The following GALNT16 variants were observed in gnomAD, a reference collection of about 807,000 sequenced individuals.
GALNT16 encodes the protein UDP-GalNAc:polypeptide N-acetylgalactosaminyltransferase-like protein 1.
In GALNT16, 40 loss-of-function variants were observed where a neutral mutation model predicts 76.1. The observed-to-expected ratio is 0.53, with a 90% CI of 0.41 to 0.68. The LOEUF is 0.68. Ranked by LOEUF, GALNT16 falls within the 30% of genes least tolerant of loss-of-function variation. The pLI is 0.00. For synonymous variants in GALNT16, 276 were observed against 285.2 expected (o/e 0.97, Z 0.32); for missense variants, 621 against 731.9 (o/e 0.85, Z 1.75).
intron 1 of GALNT16, among the ~76,000 whole-genome samples, chr14:69,289,632 C>T (rs981748224): frequency 2.6e-5 from 4 of 152,052 alleles, no homozygotes; most frequent in Non-Finnish European, 5.9e-5. Context: ...CTGGATGCTC[C>T]ACCAGGAGTC....
intron 9 of GALNT16, among the ~76,000 whole-genome samples, chr14:69,337,647 G>A (rs2140186467): frequency 6.6e-6 from 1 of 152,322 alleles, no homozygotes; most frequent in African/African-American, 2.4e-5. Context: ...CAGACCTAGG[G>A]AAGCCCATTG....
chr14:69,329,666 G>A (rs928848317), intron 6 of GALNT16, among the ~76,000 whole-genome samples: 1 of 152,112 alleles, frequency 6.6e-6, no homozygotes, highest in Non-Finnish European at 1.5e-5. Flanking sequence ...TACAAGCATG[G>A]CACTGGCATC....
chr14:69,360,746 C>T (rs992614373), downstream of GALNT16, among the ~76,000 whole-genome samples: 3 of 152,218 alleles, frequency 2.0e-5, no homozygotes, highest in African/African-American at 7.2e-5. Flanking sequence ...CCTACTGAAT[C>T]AGAAACTCTG....
chr14:69,362,596 CTT>C, the GALNT16 span, among the ~76,000 whole-genome samples: 1 of 152,232 alleles, frequency 6.6e-6, no homozygotes, highest in Non-Finnish European at 1.5e-5. Context: ...AGCTGGGAGA[CTT>C]TTAGCCAGCT....
chr14:69,281,309 CAGAG>C (rs1283470656), intron 1 of GALNT16, among the ~76,000 whole-genome samples: 1 of 152,134 alleles, frequency 6.6e-6, no homozygotes, highest in African/African-American at 2.4e-5. Flanking sequence ...AACTGAGACT[CAGAG>C]AGGGTGTGAC....
intron 1 of GALNT16, among the ~76,000 whole-genome samples, chr14:69,312,091 A>G (rs1369782835): frequency 6.7e-6 from 1 of 149,844 alleles, no homozygotes; most frequent in African/African-American, 2.5e-5. Flanking sequence ...CTATCTATCT[A>G]TCTATCTATC....
chr14:69,287,948 C>G (rs1158304988), intron 1 of GALNT16, among the ~76,000 whole-genome samples: 1 of 152,214 alleles, frequency 6.6e-6, no homozygotes. Context: ...CTCCATAGCA[C>G]CAGGAGCTCT....
chr14:69,347,358 C>G (rs1441108510), intron 13 of GALNT16, among the ~76,000 whole-genome samples, 177 bp downstream of exon 13: 1 of 152,196 alleles, frequency 6.6e-6, no homozygotes, highest in Non-Finnish European at 1.5e-5. Flanking sequence ...CAGCCTGTCA[C>G]TTGGGTATCC....
chr14:69,338,893 G>C (rs1473110796), intron 10 of GALNT16, 116 bp downstream of exon 10: 1 of 802,630 alleles, frequency 1.2e-6, no homozygotes, highest in East Asian at 2.7e-5. Flanking sequence ...TTGGGCCTCA[G>C]TTTCCCCATT....
chr14:69,384,238 C>T, the GALNT16 span, among the ~76,000 whole-genome samples: 3 of 152,194 alleles, frequency 2.0e-5, no homozygotes, highest in Non-Finnish European at 4.4e-5. Context: ...AAAACTCTAT[C>T]CTGACTTCTT....
chr14:69,331,527 G>T lies in GALNT16; in HGVS notation c.754G>T (p.Ala252Ser). The change falls in exon 7 of 15, where the codon GCA becomes TCA. Residue 252 changes from alanine (A) to serine (S), a missense_variant. Transcript: ENST00000448469. ...CAGTCTGGATAATTTTGCCTACCTT[G>T]CAGCATCTGCTGACCTTCGTGGAGG... ...VISLDNFAYLAASADLRGGFD... is the reference protein window; with the variant it reads ...VISLDNFAYLSASADLRGGFD... 1 of 1,606,442 alleles carries T rather than the reference G, an allele frequency of 6.2e-7. No individual in the cohort carries two copies. Among genetic ancestry groups the T allele is most frequent in the East Asian group, 2.2e-5 (1 of 44,864 alleles).
chr14:69,310,182 A>G (rs2044996537), intron 1 of GALNT16, among the ~76,000 whole-genome samples: 1 of 152,110 alleles, frequency 6.6e-6, no homozygotes, highest in Admixed American at 6.6e-5. Context: ...GTAGTATTCT[A>G]CTATATACTA....
intron 1 of GALNT16, among the ~76,000 whole-genome samples, chr14:69,291,600 G>C (rs1206634413): frequency 6.6e-6 from 1 of 152,178 alleles, no homozygotes; most frequent in Non-Finnish European, 1.5e-5. Context: ...CCTCCATGCT[G>C]TGCTCACCGA....
chr14:69,289,560 A>C (rs2044662364), intron 1 of GALNT16, among the ~76,000 whole-genome samples: 1 of 152,182 alleles, frequency 6.6e-6, no homozygotes, highest in East Asian at 1.9e-4. Context: ...GGCAGTCTCC[A>C]CAGGGGCCTA....
At chr14:69,364,408 T>G in the GALNT16 span, among the ~76,000 whole-genome samples, 1 of 152,228 alleles carries the variant, frequency 6.6e-6, no homozygotes, top group Admixed American at 6.5e-5. This position sits in a 1 kb window ranked among gnomAD's most constrained non-coding sequence, Gnocchi z 4.2. Context: ...GATGATGCGG[T>G]ACATACAGAT....
At chr14:69,276,769 TTCTTTG>T (rs1258059815) in intron 1 of GALNT16, among the ~76,000 whole-genome samples, 15 of 152,176 alleles carry the variant, frequency 9.9e-5, no homozygotes, top group African/African-American at 3.1e-4. Flanking sequence ...AGTAATAGTA[TTCTTTG>T]TCTTTGTCCT....
intron 1 of GALNT16, among the ~76,000 whole-genome samples, chr14:69,297,624 G>C (rs1393248061): frequency 1.2e-5 from 1 of 85,082 alleles, no homozygotes; most frequent in Non-Finnish European, 2.1e-5. Flanking sequence ...TATGTATTTG[G>C]AAAAGCCAAA....
At chr14:69,365,770 CCT>C in the GALNT16 span, among the ~76,000 whole-genome samples, 3 of 150,124 alleles carry the variant, frequency 2.0e-5, no homozygotes, top group Admixed American at 2.0e-4. Flanking sequence ...CACATGTACC[CCT>C]GAGCTTAAAA....
intron 12 of GALNT16, among the ~76,000 whole-genome samples, chr14:69,346,743 G>T (rs146201305): frequency 6.6e-6 from 1 of 152,316 alleles, no homozygotes; most frequent in African/African-American, 2.4e-5. Context: ...TCTGGACTGA[G>T]GGGCTCTGTT....
Sources: gnomAD v4.1 joint callset for allele counts (sites outside exome capture counted in the v4.1 genomes callset) on GRCh38, gnomAD v4.1.1 for gene constraint, Gnocchi (gnomAD v3.1) non-coding constraint, MANE v1.5 for transcripts, NCBI Gene and HGNC (gene_info 2026-07-23, HGNC 2026-07-21) for gene names.